RAPGEFL1: variants seen among roughly 807,000 people sequenced by gnomAD.
RAPGEFL1 encodes the protein Rap guanine nucleotide exchange factor like 1, also known as rap guanine nucleotide exchange factor-like 1.
A neutral mutation model predicts 64.4 loss-of-function variants in RAPGEFL1; 31 were observed. The observed-to-expected ratio is 0.48, with a 90% CI of 0.36 to 0.65. The LOEUF (loss-of-function observed/expected upper bound fraction) is 0.65. RAPGEFL1 is among the 30% of genes least tolerant of loss of function. The probability of loss-of-function intolerance (pLI) is 0.00; values close to 1 mark genes in which losing one functional copy is unlikely to be tolerated. For missense variants in RAPGEFL1, 682 were observed against 677.4 expected, an observed-to-expected ratio of 1.01 and a Z score of -0.08; for synonymous variants, 331 against 274.1, an observed-to-expected ratio of 1.21 and a Z score of -2.05.
intron 6 of RAPGEFL1, 134 bp from the exon 7 acceptor site, chr17:40,190,300 G>A (rs1401903130): frequency 4.5e-6 from 3 of 671,614 alleles, no homozygotes; most frequent in Non-Finnish European, 5.3e-6. Flanking sequence ...GCATAAACTA[G>A]TGATAAGATG....
rs760934700 is a variant in RAPGEFL1 at position 40,190,684 on chromosome 17, G to A, written c.1257G>A (p.Glu419=). The A allele has an allele frequency of 1.2e-6, 2 of 1,614,108 alleles. No homozygotes were observed. Among genetic ancestry groups the A allele is most frequent in the Non-Finnish European group, 1.7e-6 (2 of 1,180,056 alleles). ...TCCAGGTCTCCCCTGGAGACACAGA[G>A]ATCCACCGAGTGGAGCCTGAGGACG... ...EEIQVSPGDT[E]IHRVEPEDVA... is the part of the protein sequence containing the mutation. Residue 419 remains glutamate (E), a synonymous_variant, in exon 8 of 15, where the codon GAG becomes GAA. Transcript: ENST00000620260.
In RAPGEFL1 at chr17:40,189,254, C is replaced by T; in HGVS notation, c.993C>T (p.Arg331=). Residue 331 remains arginine (R), a synonymous_variant, in exon 6 of 15, where the codon CGC becomes CGT. Transcript: ENST00000620260. Reference sequence around the variant, plus strand: ...CTGACCACTCTTATGTGACCATACGCAGCCGCCTTTCAGCATCTGTGCAGG... The same window carrying T: ...CTGACCACTCTTATGTGACCATACGTAGCCGCCTTTCAGCATCTGTGCAGG... ...YMPDHSYVTI[R]SRLSASVQDI... is the part of the protein sequence containing the mutation. 1 of 1,614,144 alleles carries T rather than the reference C, an allele frequency of 6.2e-7. No homozygotes were observed. Among genetic ancestry groups the T allele is most frequent in the Non-Finnish European group, 8.5e-7 (1 of 1,179,978 alleles).
At position 40,185,403 on chromosome 17, in the gene RAPGEFL1, G is replaced by A. The variant is rs886903192; in HGVS notation, c.833+725G>A. On this transcript the variant is annotated intron_variant, in intron 4 of 14. Coordinates refer to ENST00000620260, the MANE Select transcript of RAPGEFL1 (RefSeq NM_016339.6). ...GTAGTAAAAGGTAGTAAAATGGCTGGGCAAGGTGGCTTATGCCTGTAATCC... is the reference window on the plus strand; with the variant it reads ...GTAGTAAAAGGTAGTAAAATGGCTGAGCAAGGTGGCTTATGCCTGTAATCC... 2.6e-5 allele frequency among the ~76,000 whole-genome samples: 4 copies of A among 151,890 alleles called. No homozygotes were observed. In the East Asian group the frequency reaches 7.7e-4, roughly 29 times the overall value.
chr17:40,192,608 C>T lies in RAPGEFL1; in HGVS notation c.1659C>T (p.Asp553=), dbSNP rs1990314215. 1.2e-6 allele frequency: 2 copies of T among 1,612,626 alleles called. No individual in the cohort carries two copies. The highest frequency in any genetic ancestry group is 2.7e-5 in the African/African-American group (2 of 74,848). Reference sequence around the variant, plus strand: ...ATCTCTCTCCTGTGGAATACTAGGACCCCTGCAGGAACCACAAAAGCTACC... The same window carrying T: ...ATCTCTCTCCTGTGGAATACTAGGATCCCTGCAGGAACCACAAAAGCTACC... ...NLFRKFENLT[D]PCRNHKSYRE... The change falls in exon 12 of 15, where the codon GAC becomes GAT. Residue 553 remains aspartate (D), a splice_region_variant and synonymous_variant. Transcript: ENST00000620260.
At chr17:40,184,061 C>G (rs1470077319) in intron 2 of RAPGEFL1, among the ~76,000 whole-genome samples, 153 bp from the exon 3 acceptor site, 2 of 151,992 alleles carry the variant, frequency 1.3e-5, no homozygotes, top group East Asian at 3.9e-4. Context: ...CCAGACTGGT[C>G]TCGAACTCCT....
At chr17:40,189,179 T>C in intron 5 of RAPGEFL1, 29 bp from the exon 6 acceptor site, 1 of 1,611,394 alleles carries the variant, frequency 6.2e-7, no homozygotes, top group Non-Finnish European at 8.5e-7. Context: ...CTGCCCTCTG[T>C]TGAAAGCCAT....
intron 5 of RAPGEFL1, 79 bp from the exon 6 acceptor site, chr17:40,189,129 T>C (rs1196141793): frequency 3.3e-6 from 5 of 1,521,390 alleles, no homozygotes; most frequent in African/African-American, 2.7e-5. Context: ...TGGTGGGGAA[T>C]AGAGGCACCC....
At chr17:40,193,089 T>A (rs1990334390) in intron 13 of RAPGEFL1, 99 bp downstream of exon 13, 2 of 1,165,962 alleles carry the variant, frequency 1.7e-6, no homozygotes, top group African/African-American at 3.0e-5. Flanking sequence ...TTCCTCCAAG[T>A]GCCCAGCTTG....
chr17:40,178,191 GC>G lies in RAPGEFL1; in HGVS notation c.333del (p.Pro113LeufsTer25), dbSNP rs938934006. ...CWLQLEEVPG[P>X]GPLGGGGPLR... ...GGCTGCAGCTGGAGGAGGTGCCGGG[GC>G]CCGGGCCTCTCGGGGGAGGGGGGCC... On this transcript the variant is annotated frameshift_variant, in exon 1 of 15. Coordinates refer to ENST00000620260, the MANE Select transcript of RAPGEFL1 (RefSeq NM_016339.6). LOFTEE classifies it high-confidence loss of function. The G allele has an allele frequency of 1.8e-6, 1 of 549,558 alleles. No homozygotes were observed. 34.0% of individuals were successfully genotyped at this position (549,558 alleles called of 1,614,324 possible).
chr17:40,180,541 C>A (rs988017760), intron 1 of RAPGEFL1, among the ~76,000 whole-genome samples: 1 of 152,144 alleles, frequency 6.6e-6, no homozygotes, highest in African/African-American at 2.4e-5. Context: ...GCCTCTCCAA[C>A]GTCCAAGCAG....
At chr17:40,182,487 A>G (rs1989924362) in intron 2 of RAPGEFL1, among the ~76,000 whole-genome samples, 1 of 152,010 alleles carries the variant, frequency 6.6e-6, no homozygotes, top group African/African-American at 2.4e-5. Flanking sequence ...TACTTTTTGT[A>G]TTTTTTGGTG....
Position 40,191,207 on chromosome 17 carries a change from C to T in RAPGEFL1, c.1336-109C>T, listed in dbSNP as rs1990249202. On this transcript the variant is annotated intron_variant, in intron 8 of 14. Transcript: ENST00000620260. This position sits in a 1 kb window ranked among gnomAD's most constrained non-coding sequence, Gnocchi z 5.1. Reference sequence around the variant, plus strand: ...CTATTTTTCTATTTTCCACCCCTTCCGCCCCCGCCCTCCTGCCTTTCGCTC... The same window carrying T: ...CTATTTTTCTATTTTCCACCCCTTCTGCCCCCGCCCTCCTGCCTTTCGCTC... The T allele has an allele frequency of 3.9e-6, 4 of 1,016,334 alleles. No individual in the cohort carries two copies. Among genetic ancestry groups the T allele is most frequent in the South Asian group, 3.4e-5 (2 of 58,588 alleles). 63.0% of individuals were successfully genotyped at this position (1,016,334 alleles called of 1,614,324 possible).
At chr17:40,179,250 A>G (rs1372014819) in intron 1 of RAPGEFL1, among the ~76,000 whole-genome samples, 3 of 152,122 alleles carry the variant, frequency 2.0e-5, no homozygotes, top group African/African-American at 7.2e-5. Flanking sequence ...TATTTTTAGT[A>G]GAGACAGGGG....
rs2145222537 is a variant in RAPGEFL1 at position 40,191,089 on chromosome 17, A to G, written c.1336-227A>G. On this transcript the variant is annotated intron_variant, in intron 8 of 14. Coordinates refer to ENST00000620260, the MANE Select transcript of RAPGEFL1 (RefSeq NM_016339.6). The surrounding 1 kb of genome is among the most constrained non-coding windows in gnomAD (Gnocchi z 5.1). ...TCTTGAGGATGTCAGCCGTGAGCGA[A>G]TGCCTGGCACCTAGTAAGTGCTCAG... 1.7e-6 allele frequency: 1 copy of G among 594,312 alleles called. No homozygotes were observed. The highest frequency in any genetic ancestry group is 3.0e-5 in the East Asian group (1 of 33,792). 36.8% of individuals were successfully genotyped at this position (594,312 alleles called of 1,614,324 possible). A position where few individuals can be genotyped will look rare whatever the true frequency, so the allele number is the denominator to read the frequency against.
chr17:40,190,292 A>G, intron 6 of RAPGEFL1, 142 bp from the exon 7 acceptor site: 1 of 657,428 alleles, frequency 1.5e-6, no homozygotes. Flanking sequence ...TAAATATGGC[A>G]TAAACTAGTG....
At chr17:40,186,708 A>C (rs1990089924) in intron 4 of RAPGEFL1, among the ~76,000 whole-genome samples, 1 of 150,718 alleles carries the variant, frequency 6.6e-6, no homozygotes, top group Admixed American at 6.6e-5. Flanking sequence ...ATCCTGGCCA[A>C]CACGGTGAAA....
intron 4 of RAPGEFL1, among the ~76,000 whole-genome samples, chr17:40,188,216 C>G (rs1990145311): frequency 6.6e-6 from 1 of 151,998 alleles, no homozygotes; most frequent in Non-Finnish European, 1.5e-5. Flanking sequence ...CACCTGGCCT[C>G]CACCTCCTTC....
At chr17:40,186,818 CAGG>C (rs1436355414) in intron 4 of RAPGEFL1, among the ~76,000 whole-genome samples, 5 of 149,294 alleles carry the variant, frequency 3.3e-5, no homozygotes, top group Admixed American at 6.7e-5. Context: ...TGCTTGAATC[CAGG>C]AGGTGGAGGT....
Position 40,191,533 on chromosome 17 carries a change from G to T in RAPGEFL1, c.1514+39G>T, listed in dbSNP as rs767889139. On this transcript the variant is annotated intron_variant, in intron 9 of 14. Coordinates refer to ENST00000620260, the MANE Select transcript of RAPGEFL1 (RefSeq NM_016339.6). The surrounding 1 kb of genome is among the most constrained non-coding windows in gnomAD (Gnocchi z 5.1). Reference sequence around the variant, plus strand: ...TCGGCGGGATGGGGGGCCGGAGGCCGGAGGCCCGCGCCGCCGCCCGCCCCT... The same window carrying T: ...TCGGCGGGATGGGGGGCCGGAGGCCTGAGGCCCGCGCCGCCGCCCGCCCCT... The T allele has an allele frequency of 6.4e-7, 1 of 1,562,512 alleles. No homozygotes were observed. Among genetic ancestry groups the T allele is most frequent in the Admixed American group, 1.9e-5 (1 of 51,644 alleles).
Sources: allele counts gnomAD v4.1 joint callset (sites outside exome capture counted in the v4.1 genomes callset), GRCh38; gene constraint gnomAD v4.1.1; non-coding constraint Gnocchi (gnomAD v3.1); transcripts MANE v1.5; gene names NCBI Gene and HGNC (gene_info 2026-07-23, HGNC 2026-07-21).